The following TMEM132B variants were observed in gnomAD, a reference collection of about 807,000 sequenced individuals.
TMEM132B encodes the protein transmembrane protein 132B.
In TMEM132B, 18 loss-of-function variants were observed where a neutral mutation model predicts 90.8. The ratio of observed to expected loss-of-function variants is 0.20; its 90% CI spans 0.14 to 0.29. The LOEUF (loss-of-function observed/expected upper bound fraction) is 0.29. TMEM132B is among the 10% of genes least tolerant of loss of function. TMEM132B has a pLI of 1.00. For synonymous variants in TMEM132B, 504 were observed against 523.3 expected (o/e 0.96, Z 0.50); for missense variants, 1,096 against 1,326.8 (o/e 0.83, Z 2.70).
intron 5 of TMEM132B, among the ~76,000 whole-genome samples, chr12:125,643,556 A>G (rs1886683066): frequency 3.3e-5 from 5 of 152,212 alleles, no homozygotes; most frequent in Admixed American, 1.3e-4. Flanking sequence ...GGCAAAAATA[A>G]TTATATCCAT....
intron 2 of TMEM132B, among the ~76,000 whole-genome samples, chr12:125,398,381 C>T (rs1481493655): frequency 1.3e-5 from 2 of 152,122 alleles, no homozygotes; most frequent in African/African-American, 2.4e-5. Flanking sequence ...CAAAGAAGAC[C>T]GATGTGAGAA....
At chr12:125,572,671 A>G (rs1884829326) in intron 4 of TMEM132B, among the ~76,000 whole-genome samples, 1 of 152,244 alleles carries the variant, frequency 6.6e-6, no homozygotes, top group African/African-American at 2.4e-5. Context: ...ATACTTTGGC[A>G]CTATGAAAAT....
intron 5 of TMEM132B, chr12:125,586,209 C>T (rs1885175831): frequency 6.6e-6 from 1 of 152,034 alleles, no homozygotes. Context: ...GCAGGGCTCA[C>T]CAAAGATCTT....
In TMEM132B at chr12:125,570,246, C is replaced by T. The variant is rs138920148; in HGVS notation, c.1294-13605C>T. Among the ~76,000 whole-genome samples the T allele has an allele frequency of 6.0e-3, 907 of 152,296 alleles. 8 individuals are homozygous for T. The highest frequency in any genetic ancestry group is 0.02 in the African/African-American group (843 of 41,572). The stretch of plus-strand genomic sequence containing the variant: ...ATGTACTGAGAGCTGTAGGGCCTTA[C>T]GTATTTGTAGTCTGTTGTTTCAGCA... On this transcript the variant is annotated intron_variant, in intron 4 of 8. Transcript: ENST00000682704.
At chr12:125,483,433 G>GA (rs990579481) in intron 3 of TMEM132B, among the ~76,000 whole-genome samples, 1 of 151,776 alleles carries the variant, frequency 6.6e-6, no homozygotes, top group Non-Finnish European at 1.5e-5. Context: ...AAACATTAAA[G>GA]AAAAAAACAA....
At chr12:125,501,173 T>C (rs1592958447) in intron 3 of TMEM132B, among the ~76,000 whole-genome samples, 1 of 152,212 alleles carries the variant, frequency 6.6e-6, no homozygotes, top group South Asian at 2.1e-4. Context: ...AAAGAGACTT[T>C]CCATTTTGTG....
intron 2 of TMEM132B, among the ~76,000 whole-genome samples, chr12:125,405,968 A>G (rs1879462700): frequency 6.6e-6 from 1 of 152,132 alleles, no homozygotes; most frequent in Non-Finnish European, 1.5e-5. Context: ...TCATCAAGGC[A>G]TTTGGTAGTA....
chr12:125,404,683 G>A (rs1339230071), intron 2 of TMEM132B, among the ~76,000 whole-genome samples: 2 of 152,186 alleles, frequency 1.3e-5, no homozygotes, highest in African/African-American at 2.4e-5. Context: ...AGTCACAGAA[G>A]TTCAATGGTT....
rs1357602531 is a variant in TMEM132B at position 125,504,415 on chromosome 12, C to A, written c.1107-15024C>A. Among the ~76,000 whole-genome samples the A allele has an allele frequency of 2.0e-5, 3 of 152,150 alleles. No individual in the cohort carries two copies. The East Asian group carries it at 5.8e-4, about 29-fold the overall frequency. On this transcript the variant is annotated intron_variant, in intron 3 of 8. Transcript: ENST00000682704. ...TTTGCTCTGGTGGTGTTGAAATAATCCTTTGTGACTCAGAGGTGCCATGTG... is the reference window on the plus strand; with the variant it reads ...TTTGCTCTGGTGGTGTTGAAATAATACTTTGTGACTCAGAGGTGCCATGTG...
chr12:125,331,547 C>T (rs1876772671), intron 1 of TMEM132B, among the ~76,000 whole-genome samples: 1 of 152,078 alleles, frequency 6.6e-6, no homozygotes, highest in South Asian at 2.1e-4. Context: ...TGTGGCTCAC[C>T]AGGAAGAAGC....
rs929756706 is a variant in TMEM132B at position 125,640,029 on chromosome 12, G to A, written c.1438-4047G>A. Among the ~76,000 whole-genome samples, 18 of 152,220 alleles carry A rather than the reference G, an allele frequency of 1.2e-4. No individual in the cohort carries two copies. In the East Asian group the frequency reaches 1.9e-3, roughly 16 times the overall value. ...AGCTTCCGGGGTCAGTCTGGGCCAC[G>A]GCTGGCTCCCTCAGGGCTCCGAGAT... On this transcript the variant is annotated intron_variant, in intron 5 of 8. Coordinates refer to ENST00000682704, the MANE Select transcript of TMEM132B (RefSeq NM_001366854.1).
intron 5 of TMEM132B, chr12:125,584,902 C>A (rs1885143897): frequency 6.6e-6 from 1 of 152,214 alleles, no homozygotes; most frequent in Non-Finnish European, 1.5e-5. Flanking sequence ...AAAGTCCAAT[C>A]TATTCAGCTA....
Position 125,265,231 on chromosome 12 carries a change from C to T in TMEM132B, c.67+78365C>T, listed in dbSNP as rs569998357. On this transcript the variant is annotated intron_variant, in intron 1 of 8. Coordinates refer to ENST00000682704, the MANE Select transcript of TMEM132B (RefSeq NM_001366854.1). ...GACTGTATGTAGATATAGTATTCCC[C>T]GCTTGTCTGCAGGGGATACATTGCA... Among the ~76,000 whole-genome samples, 5 of 152,030 alleles carry T rather than the reference C, an allele frequency of 3.3e-5. No individual in the cohort carries two copies. The South Asian group carries it at 6.2e-4, about 19-fold the overall frequency.
Position 125,223,060 on chromosome 12 carries a change from T to C in TMEM132B, c.67+36194T>C, listed in dbSNP as rs149929744. 2.0e-3 allele frequency among the ~76,000 whole-genome samples: 305 copies of C among 152,304 alleles called. 1 individual carries two copies. Among genetic ancestry groups the C allele is most frequent in the African/African-American group, 6.9e-3 (286 of 41,566 alleles). Reference sequence around the variant, plus strand: ...TAGGATTTCAGGAAGTCGATGAAAGTGATATTGGCAAATTGCCAGAACCAC... The same window carrying C: ...TAGGATTTCAGGAAGTCGATGAAAGCGATATTGGCAAATTGCCAGAACCAC... On this transcript the variant is annotated intron_variant, in intron 1 of 8. Transcript: ENST00000682704.
At chr12:125,558,713 C>T (rs919636372) in intron 4 of TMEM132B, among the ~76,000 whole-genome samples, 1 of 152,138 alleles carries the variant, frequency 6.6e-6, no homozygotes, top group African/African-American at 2.4e-5. Flanking sequence ...GTTGTTAGTT[C>T]CAAGGCATTA....
chr12:125,207,154 C>A (rs1439879691), intron 1 of TMEM132B, among the ~76,000 whole-genome samples: 3 of 152,218 alleles, frequency 2.0e-5, no homozygotes, highest in Non-Finnish European at 4.4e-5. Context: ...TATTTAAGAG[C>A]TAGAAGATTT....
chr12:125,432,984 A>T (rs749218960), intron 3 of TMEM132B, among the ~76,000 whole-genome samples: 1 of 152,228 alleles, frequency 6.6e-6, no homozygotes, highest in Non-Finnish European at 1.5e-5. Flanking sequence ...TTTGGCCAAG[A>T]AAAGTGGGAA....
intron 4 of TMEM132B, among the ~76,000 whole-genome samples, chr12:125,526,922 T>C (rs1372837677): frequency 6.7e-6 from 1 of 148,444 alleles, no homozygotes; most frequent in African/African-American, 2.5e-5. Context: ...CATCCACCCA[T>C]TTACCCTTCC....
chr12:125,472,664 C>A (rs950058865), intron 3 of TMEM132B, among the ~76,000 whole-genome samples: 1 of 152,096 alleles, frequency 6.6e-6, no homozygotes, highest in African/African-American at 2.4e-5. Context: ...GGGCCCCACC[C>A]TCATGCATAG....
Sources: allele counts gnomAD v4.1 joint callset (sites outside exome capture counted in the v4.1 genomes callset), GRCh38; gene constraint gnomAD v4.1.1; transcripts MANE v1.5; gene names NCBI Gene and HGNC (gene_info 2026-07-23, HGNC 2026-07-21).